ARHGAP32: variants seen among roughly 807,000 people sequenced by gnomAD.
The protein encoded by ARHGAP32 is Rho GTPase activating protein 32, also known as rho GTPase-activating protein 32.
Under a neutral mutation model 186.5 loss-of-function variants are expected in ARHGAP32, and 51 were observed. The ratio of observed to expected loss-of-function variants is 0.27; its 90% confidence interval spans 0.22 to 0.35. The LOEUF is 0.35. Among genes scored for constraint, ARHGAP32 ranks in the 10% least tolerant of loss-of-function variants. The pLI, the probability that ARHGAP32 is intolerant of heterozygous loss-of-function variation, is 1.00. For synonymous variants in ARHGAP32, 950 were observed against 964.3 expected (o/e 0.99, Z 0.27); for missense variants, 2,186 against 2,623.5 (o/e 0.83, Z 3.64).
chr11:129,172,741 A>G (rs1943795137), intron 1 of ARHGAP32, among the ~76,000 whole-genome samples: 1 of 152,202 alleles, frequency 6.6e-6, no homozygotes, highest in African/African-American at 2.4e-5. Context: ...GTTCTTTGAA[A>G]CAAATGAGAA....
intron 2 of ARHGAP32, among the ~76,000 whole-genome samples, chr11:129,145,661 T>C (rs1020649949): frequency 2.0e-5 from 3 of 152,284 alleles, no homozygotes; most frequent in Non-Finnish European, 2.9e-5. Flanking sequence ...TGATTAACAA[T>C]AGTCACATGC....
chr11:129,059,163 C>T (rs974061544), intron 10 of ARHGAP32, among the ~76,000 whole-genome samples: 2 of 152,142 alleles, frequency 1.3e-5, no homozygotes, highest in East Asian at 1.9e-4. Flanking sequence ...ATGCTTAGTG[C>T]TCTTCAGGCA....
intron 2 of ARHGAP32, among the ~76,000 whole-genome samples, chr11:129,133,672 A>C (rs906905562): frequency 6.6e-6 from 1 of 152,188 alleles, no homozygotes; most frequent in East Asian, 1.9e-4. Context: ...AATATCCTTC[A>C]GAAATGATGT....
At chr11:129,240,775 TAAG>T (rs1464778940) in intron 1 of ARHGAP32, among the ~76,000 whole-genome samples, 1 of 152,230 alleles carries the variant, frequency 6.6e-6, no homozygotes, top group Non-Finnish European at 1.5e-5. Flanking sequence ...CATTATATCA[TAAG>T]AAACCACTGC....
intron 11 of ARHGAP32, among the ~76,000 whole-genome samples, chr11:129,015,618 A>C (rs1412463704): frequency 1.3e-5 from 2 of 152,162 alleles, no homozygotes; most frequent in Non-Finnish European, 1.5e-5. Context: ...CTGTAACGAC[A>C]TGTGTATGTA....
intron 11 of ARHGAP32, among the ~76,000 whole-genome samples, chr11:129,018,676 C>A (rs1938464842): frequency 6.6e-6 from 1 of 152,032 alleles, no homozygotes; most frequent in South Asian, 2.1e-4. Context: ...GTAAGCTTAA[C>A]CAACAAAGCT....
intron 1 of ARHGAP32, among the ~76,000 whole-genome samples, chr11:129,237,905 A>G (rs1231191690): frequency 6.6e-6 from 1 of 152,154 alleles, no homozygotes; most frequent in Non-Finnish European, 1.5e-5. Context: ...GTTTAAGGCT[A>G]CTGCATTGAT....
chr11:129,260,061 A>G (rs1945302572), intron 1 of ARHGAP32, among the ~76,000 whole-genome samples: 1 of 152,174 alleles, frequency 6.6e-6, no homozygotes, highest in Non-Finnish European at 1.5e-5. Flanking sequence ...TGGTAGTTAC[A>G]AACAAACTTT....
At chr11:129,242,570 T>C (rs1261031874) in intron 1 of ARHGAP32, among the ~76,000 whole-genome samples, 1 of 151,692 alleles carries the variant, frequency 6.6e-6, no homozygotes, top group Non-Finnish European at 1.5e-5. Flanking sequence ...TACAAAAAAT[T>C]AGCCGGGCGT....
At chr11:129,116,995 A>G (rs536557523) in intron 5 of ARHGAP32, among the ~76,000 whole-genome samples, 1 of 152,056 alleles carries the variant, frequency 6.6e-6, no homozygotes, top group Non-Finnish European at 1.5e-5. Flanking sequence ...TGACGACCAG[A>G]GACATTAAGA....
At chr11:128,971,251 T>G in intron 22 of ARHGAP32, 92 bp from the exon 23 acceptor site, 1 of 1,162,946 alleles carries the variant, frequency 8.6e-7, no homozygotes, top group Non-Finnish European at 1.2e-6. Flanking sequence ...TAAGGCTGGT[T>G]GGGTAGCAGC....
chr11:129,059,243 T>A (rs1361094244), intron 10 of ARHGAP32, among the ~76,000 whole-genome samples: 1 of 152,186 alleles, frequency 6.6e-6, no homozygotes. Context: ...CCTGACTACT[T>A]ATTAAACCTC....
At chr11:129,206,279 A>G (rs1050048890) in intron 1 of ARHGAP32, among the ~76,000 whole-genome samples, 3 of 152,106 alleles carry the variant, frequency 2.0e-5, no homozygotes, top group Non-Finnish European at 2.9e-5. Flanking sequence ...CAACACGGTC[A>G]TAACTCACTG....
Position 129,272,949 on chromosome 11 carries a change from A to C in ARHGAP32, c.-5+6197T>G, listed in dbSNP as rs377433774. Among the ~76,000 whole-genome samples, 66 of 152,300 alleles carry C rather than the reference A, an allele frequency of 4.3e-4. 1 individual carries two copies. Among genetic ancestry groups the C allele is most frequent in the Admixed American group, 1.7e-3 (26 of 15,304 alleles). On this transcript the variant is annotated intron_variant, in intron 1 of 6. Transcript: ENST00000525234. ...AGAATGTGTGTAAAAATCTGGCTTT[A>C]ATTGAGCAGTTCTTACTTGGGTTGT...
chr11:128,977,003 G>A (rs1945564720), intron 19 of ARHGAP32, among the ~76,000 whole-genome samples: 1 of 152,098 alleles, frequency 6.6e-6, no homozygotes, highest in Non-Finnish European at 1.5e-5. Flanking sequence ...CCAATGACTG[G>A]TGTCCTCGTA....
chr11:129,229,562 A>T (rs761305744), intron 1 of ARHGAP32, among the ~76,000 whole-genome samples: 122 of 152,232 alleles, frequency 8.0e-4, no homozygotes, highest in Non-Finnish European at 1.6e-3. Context: ...CTACTGTGCA[A>T]TCCCAATGCT....
At chr11:129,212,948 A>C (rs998315707) in intron 1 of ARHGAP32, among the ~76,000 whole-genome samples, 2 of 152,154 alleles carry the variant, frequency 1.3e-5, no homozygotes, top group Admixed American at 6.6e-5. Flanking sequence ...ATAAATAAAC[A>C]AACCTTATTT....
intron 1 of ARHGAP32, among the ~76,000 whole-genome samples, chr11:129,247,619 A>G (rs1945118784): frequency 6.6e-6 from 1 of 152,252 alleles, no homozygotes; most frequent in Non-Finnish European, 1.5e-5. Context: ...TATGAAAGGT[A>G]TGATACAGCA....
chr11:129,143,125 G>T (rs1012055168), intron 2 of ARHGAP32, among the ~76,000 whole-genome samples: 3 of 139,826 alleles, frequency 2.1e-5, no homozygotes, highest in Non-Finnish European at 3.1e-5. Flanking sequence ...TACAAAATTT[G>T]TGCTGTCAAG....
Sources: gnomAD v4.1 joint callset for allele counts (sites outside exome capture counted in the v4.1 genomes callset) on GRCh38, gnomAD v4.1.1 for gene constraint, MANE v1.5 for transcripts, NCBI Gene and HGNC (gene_info 2026-07-23, HGNC 2026-07-21) for gene names.